SPOCK1: variants seen among roughly 807,000 people sequenced by gnomAD.
SPOCK1 encodes the protein testican-1.
SPOCK1 carries 23 observed loss-of-function variants against 55.3 expected under a neutral mutation model. That is an observed-to-expected ratio of 0.42 (90% confidence interval 0.30 to 0.59). SPOCK1 has a LOEUF of 0.59. Among genes scored for constraint, SPOCK1 ranks in the 20% least tolerant of loss-of-function variants. The probability of loss-of-function intolerance (pLI) is 0.22; values close to 1 mark genes in which losing one functional copy is unlikely to be tolerated. For missense variants in SPOCK1, 499 were observed against 552.5 expected (o/e 0.90, Z 0.97); for synonymous variants, 226 against 221.0 (o/e 1.02, Z -0.20).
In SPOCK1 at chr5:137,008,295, TACACACACACAC is replaced by T. The variant is rs141325417; in HGVS notation, c.590-15707_590-15696del. On this transcript the variant is annotated intron_variant, in intron 6 of 10. Coordinates refer to ENST00000394945, the MANE Select transcript of SPOCK1 (RefSeq NM_004598.4). ...CCAGAACTTAAAGTATAATAATAAA[TACACACACACAC>T]ACACACACACACACACACACACAAT... is the stretch of plus-strand genomic sequence containing the variant. Among the ~76,000 whole-genome samples, 409 of 138,410 alleles carry T rather than the reference TACACACACACAC, an allele frequency of 3.0e-3. 2 individuals carry two copies. The highest frequency in any genetic ancestry group is 9.9e-3 in the African/African-American group (371 of 37,648). The allele number at this position is 138,410 out of a possible 152,430, so 90.8% of individuals were successfully genotyped here. A position where few individuals can be genotyped will look rare whatever the true frequency, so the allele number is the denominator to read the frequency against.
chr5:137,273,962 C>T (rs1757016334), intron 2 of SPOCK1, among the ~76,000 whole-genome samples: 2 of 152,184 alleles, frequency 1.3e-5, no homozygotes, highest in Non-Finnish European at 2.9e-5. Flanking sequence ...ATTCAAGGAT[C>T]ATCACCAACA....
chr5:137,192,107 G>A (rs577566926), intron 3 of SPOCK1, among the ~76,000 whole-genome samples: 68 of 151,464 alleles, frequency 4.5e-4, no homozygotes, highest in East Asian at 1.6e-3. Flanking sequence ...GCGTGGCGGC[G>A]TGCACCTGTA....
chr5:137,005,129 T>G (rs962306426), intron 6 of SPOCK1, among the ~76,000 whole-genome samples: 2 of 152,100 alleles, frequency 1.3e-5, no homozygotes. Flanking sequence ...ACCTGATCTG[T>G]TTCATAGAAA....
chr5:137,265,946 C>G (rs1321370187), intron 3 of SPOCK1, among the ~76,000 whole-genome samples: 1 of 152,148 alleles, frequency 6.6e-6, no homozygotes, highest in Non-Finnish European at 1.5e-5. Flanking sequence ...ACAGCGAAAG[C>G]TCAATAAATG....
intron 2 of SPOCK1, among the ~76,000 whole-genome samples, chr5:137,343,606 C>A (rs1220833769): frequency 2.0e-5 from 3 of 152,224 alleles, no homozygotes; most frequent in African/African-American, 7.2e-5. Flanking sequence ...AGCCTCTCAG[C>A]CCCGTTGTAT....
At chr5:137,486,671 T>C (rs959930994) in intron 2 of SPOCK1, among the ~76,000 whole-genome samples, 1 of 152,204 alleles carries the variant, frequency 6.6e-6, no homozygotes, top group Non-Finnish European at 1.5e-5. Flanking sequence ...TGGATGGCCA[T>C]GCAAAGAAAC....
intron 2 of SPOCK1, among the ~76,000 whole-genome samples, chr5:137,448,804 A>G (rs1317321495): frequency 6.6e-6 from 1 of 152,232 alleles, no homozygotes; most frequent in Non-Finnish European, 1.5e-5. Context: ...CACTTTGTAC[A>G]GAGACATCCT....
intron 5 of SPOCK1, among the ~76,000 whole-genome samples, chr5:137,083,241 T>C (rs1171428033): frequency 6.6e-6 from 1 of 152,196 alleles, no homozygotes; most frequent in Non-Finnish European, 1.5e-5. Context: ...CTTAAGAGGA[T>C]GTCACTGTGA....
intron 2 of SPOCK1, among the ~76,000 whole-genome samples, chr5:137,374,447 C>T (rs1216216420): frequency 6.6e-6 from 1 of 152,222 alleles, no homozygotes; most frequent in Non-Finnish European, 1.5e-5. Context: ...CAGCCTTCTG[C>T]CATTCCCATG....
chr5:137,404,574 A>G (rs62374202), intron 2 of SPOCK1, among the ~76,000 whole-genome samples: 1 of 92,528 alleles, frequency 1.1e-5, no homozygotes, highest in Non-Finnish European at 2.3e-5. Flanking sequence ...ACACCCAGCT[A>G]ATTTTTTTTT....
In SPOCK1 at chr5:136,977,715, G is replaced by A. The variant is rs1337159672; in HGVS notation, c.*939C>T. On this transcript the variant is annotated 3_prime_UTR_variant, in exon 11 of 11. Transcript: ENST00000394945. Reference sequence around the variant, plus strand: ...CGTGTGGGAGTCGCATGGCTTCTGCGAGAAAAGTGATTTAGGCAGACGGAG... The same window carrying A: ...CGTGTGGGAGTCGCATGGCTTCTGCAAGAAAAGTGATTTAGGCAGACGGAG... 1.5e-5 allele frequency: 6 copies of A among 398,510 alleles called. No homozygotes were observed. In the East Asian group the frequency reaches 1.8e-4, roughly 12 times the overall value. The allele number at this position is 398,510 out of a possible 1,614,324, so 24.7% of individuals were successfully genotyped here.
intron 5 of SPOCK1, among the ~76,000 whole-genome samples, chr5:137,074,919 G>A (rs1437000140): frequency 6.6e-6 from 1 of 152,138 alleles, no homozygotes; most frequent in Non-Finnish European, 1.5e-5. Flanking sequence ...TAGCCAGGAT[G>A]GTCTCGATCT....
At chr5:137,417,207 A>C (rs1752353290) in intron 2 of SPOCK1, among the ~76,000 whole-genome samples, 1 of 151,916 alleles carries the variant, frequency 6.6e-6, no homozygotes, top group Admixed American at 6.6e-5. Flanking sequence ...TTTTTTTCTC[A>C]TATGAGAATG....
At chr5:137,275,360 T>C (rs1757045038) in intron 2 of SPOCK1, among the ~76,000 whole-genome samples, 1 of 152,176 alleles carries the variant, frequency 6.6e-6, no homozygotes, top group Non-Finnish European at 1.5e-5. Flanking sequence ...ACACCAGCTA[T>C]TAACTACCAC....
intron 3 of SPOCK1, among the ~76,000 whole-genome samples, chr5:137,172,303 T>C (rs1227895390): frequency 6.6e-6 from 1 of 152,208 alleles, no homozygotes; most frequent in Non-Finnish European, 1.5e-5. Flanking sequence ...TTCATTTTGA[T>C]ACCTCAGTGA....
At chr5:137,417,603 G>T (rs775007264) in intron 2 of SPOCK1, among the ~76,000 whole-genome samples, 6 of 151,904 alleles carry the variant, frequency 3.9e-5, no homozygotes, top group Non-Finnish European at 7.4e-5. Context: ...ACCTGCTCTA[G>T]AACTTTACAT....
In SPOCK1 at chr5:137,140,674, G is replaced by A. The variant is rs746825685; in HGVS notation, c.253C>T (p.Pro85Ser). 4.3e-6 allele frequency: 7 copies of A among 1,613,870 alleles called. No homozygotes were observed. The South Asian group carries it at 6.6e-5, about 15-fold the overall frequency. ...FDQALDPSKD[P>S]CLKVKCSPHK... ...GGGCTGCATTTTACCTTCAGGCAGG[G>A]GTCCTTGGATGGGTCCAGGGCTGAG... Residue 85 changes from proline to serine, a missense_variant, in exon 4 of 11, where the codon CCC (proline) becomes TCC (serine). This residue lies in a region of SPOCK1 where 386 missense variants were observed against 400.6 expected (regional missense o/e 0.96). Coordinates refer to ENST00000394945, the MANE Select transcript of SPOCK1 (RefSeq NM_004598.4).
At chr5:137,158,736 C>G (rs948052913) in intron 3 of SPOCK1, among the ~76,000 whole-genome samples, 1 of 151,996 alleles carries the variant, frequency 6.6e-6, no homozygotes, top group Non-Finnish European at 1.5e-5. Flanking sequence ...GGGAAGGAGT[C>G]TCGGGGGCAC....
intron 2 of SPOCK1, among the ~76,000 whole-genome samples, chr5:137,385,016 T>C (rs1751570178): frequency 6.6e-6 from 1 of 152,184 alleles, no homozygotes; most frequent in African/African-American, 2.4e-5. Flanking sequence ...CATGGAGTTA[T>C]TTAGATTAAA....
Sources: gnomAD v4.1 joint callset for allele counts (sites outside exome capture counted in the v4.1 genomes callset) on GRCh38, gnomAD v4.1.1 for gene constraint, gnomAD v4.1.1 regional missense constraint, MANE v1.5 for transcripts, NCBI Gene and HGNC (gene_info 2026-07-23, HGNC 2026-07-21) for gene names.